The following CFDP1 variants were observed in gnomAD, a reference collection of about 807,000 sequenced individuals.
The protein encoded by CFDP1 is chromatin remodeling protein CFDP1.
CFDP1 carries 31 observed loss-of-function variants against 40.1 expected under a neutral mutation model. That is an observed-to-expected ratio of 0.77 (90% CI 0.58 to 1.04). The LOEUF is 1.04. CFDP1 is among the 50% of genes least tolerant of loss of function. The pLI is 0.00. For synonymous variants in CFDP1, 167 were observed against 120.0 expected, an observed-to-expected ratio of 1.39 and a Z score of -2.56; for missense variants, 423 against 343.4, an observed-to-expected ratio of 1.23 and a Z score of -1.83.
intron 1 of CFDP1, among the ~76,000 whole-genome samples, chr16:75,420,415 C>A (rs1208883673): frequency 6.6e-6 from 1 of 152,082 alleles, no homozygotes; most frequent in African/African-American, 2.4e-5. Context: ...ACTGAAGGAA[C>A]AAAGGAACTA....
intron 6 of CFDP1, among the ~76,000 whole-genome samples, chr16:75,304,162 G>A (rs1175324603): frequency 6.6e-6 from 1 of 152,128 alleles, no homozygotes; most frequent in Non-Finnish European, 1.5e-5. Context: ...TCCACCTAGT[G>A]GGTTCAAGTG....
At chr16:75,317,963 T>C (rs2078334867) in intron 5 of CFDP1, among the ~76,000 whole-genome samples, 2 of 151,732 alleles carry the variant, frequency 1.3e-5, no homozygotes, top group South Asian at 2.1e-4. Context: ...ACTAAAAAAA[T>C]ACAAAAAATT....
chr16:75,430,043 G>C (rs1466990093), intron 1 of CFDP1, among the ~76,000 whole-genome samples: 1 of 152,180 alleles, frequency 6.6e-6, no homozygotes, highest in Non-Finnish European at 1.5e-5. Flanking sequence ...GGACAACTCG[G>C]GGTGGGAGTG....
At chr16:75,354,558 T>C (rs577388326) in intron 5 of CFDP1, among the ~76,000 whole-genome samples, 1 of 152,352 alleles carries the variant, frequency 6.6e-6, no homozygotes, top group Admixed American at 6.5e-5. Flanking sequence ...ATGGCACTGT[T>C]AGTCTCTCAG....
intron 5 of CFDP1, among the ~76,000 whole-genome samples, chr16:75,349,650 CAAAAAAAAAAAAAAAAAAAAAAAAAAA>C (rs61472076): frequency 1.3e-4 from 3 of 23,244 alleles, no homozygotes; most frequent in Non-Finnish European, 1.7e-4. Flanking sequence ...GACTCCGTCT[CAAAAAAAAAAAAAAAAAAAAAAAAAAA>C]AAAAAAAAAA....
At chr16:75,409,226 C>T (rs1205440593) in intron 4 of CFDP1, 2 of 152,182 alleles carry the variant, frequency 1.3e-5, no homozygotes, top group Non-Finnish European at 2.9e-5. Context: ...TTCCAATGAA[C>T]AGCCTGTATA....
In CFDP1 at chr16:75,309,315, A is replaced by G. The variant is rs978853301; in HGVS notation, c.651-4133T>C. 2.6e-5 allele frequency among the ~76,000 whole-genome samples: 4 copies of G among 152,260 alleles called. No individual in the cohort carries two copies. The East Asian group carries it at 7.7e-4, about 29-fold the overall frequency. On this transcript the variant is annotated intron_variant, in intron 5 of 6. Transcript: ENST00000283882. ...AAGGTACATGAACCAGGCTTTCAGG[A>G]AGCCGAGGCGGGAGAGAATCAGTCT... is the stretch of plus-strand genomic sequence containing the variant.
At chr16:75,337,889 A>T (rs1339152347) in intron 5 of CFDP1, among the ~76,000 whole-genome samples, 1 of 152,176 alleles carries the variant, frequency 6.6e-6, no homozygotes, top group African/African-American at 2.4e-5. Context: ...AGCACTTGGG[A>T]GGAGTTTGCT....
chr16:75,294,180 C>G lies in CFDP1; in HGVS notation c.810-138G>C, dbSNP rs80292664. The stretch of plus-strand genomic sequence containing the variant: ...CCACCCATGACTCTTCCAGTACAAT[C>G]CAAACCACTCACATTTGGTCTAAAC... On this transcript the variant is annotated intron_variant, in intron 6 of 6. Transcript: ENST00000283882. 7.2e-4 allele frequency: 442 copies of G among 615,740 alleles called. 6 individuals are homozygous for G. In the East Asian group the frequency reaches 0.012, roughly 17 times the overall value. The allele number at this position is 615,740 out of a possible 1,614,324, so 38.1% of individuals were successfully genotyped here.
At chr16:75,306,851 C>G (rs1412818044) in intron 5 of CFDP1, among the ~76,000 whole-genome samples, 1 of 151,612 alleles carries the variant, frequency 6.6e-6, no homozygotes, top group Non-Finnish European at 1.5e-5. Context: ...ACAACTCAAC[C>G]CCTACAATGT....
At chr16:75,415,803 A>G (rs1011233546) in intron 1 of CFDP1, among the ~76,000 whole-genome samples, 6 of 152,274 alleles carry the variant, frequency 3.9e-5, no homozygotes, top group African/African-American at 1.4e-4. Context: ...GTTGTTTCCA[A>G]TTTGGAGTCA....
At position 75,311,770 on chromosome 16, in the gene CFDP1, A is replaced by ATT. The variant is rs548463039; in HGVS notation, c.651-6590_651-6589dup. On this transcript the variant is annotated intron_variant, in intron 5 of 6. Coordinates refer to ENST00000283882, the MANE Select transcript of CFDP1 (RefSeq NM_006324.3). ...TACAATGTAGGAATGGACCTTTACAATTTTTTTTTTTTTTTTTCAAGAAAG... is the reference window on the plus strand; with the variant it reads ...TACAATGTAGGAATGGACCTTTACAATTTTTTTTTTTTTTTTTTTCAAGAAAG... Among the ~76,000 whole-genome samples the ATT allele has an allele frequency of 2.5e-3, 361 of 141,776 alleles. 2 individuals carry two copies. The highest frequency in any genetic ancestry group is 3.3e-3 in the African/African-American group (126 of 38,254). The allele number at this position is 141,776 out of a possible 152,430, so 93.0% of individuals were successfully genotyped here. A position where few individuals can be genotyped will look rare whatever the true frequency, so the allele number is the denominator to read the frequency against.
At chr16:75,424,755 C>CA (rs34126287) in intron 1 of CFDP1, among the ~76,000 whole-genome samples, 27,856 of 129,116 alleles carry the variant, frequency 0.22, 3,147 homozygotes, top group African/African-American at 0.33. Flanking sequence ...GACTCCGTCT[C>CA]AAAAAAAAAA....
At chr16:75,314,380 T>A (rs2078312342) in intron 5 of CFDP1, among the ~76,000 whole-genome samples, 2 of 152,104 alleles carry the variant, frequency 1.3e-5, no homozygotes, top group Admixed American at 1.3e-4. Context: ...AAGGACCATA[T>A]ATTGTATGAT....
intron 5 of CFDP1, among the ~76,000 whole-genome samples, chr16:75,320,804 G>A (rs1308108387): frequency 1.3e-5 from 2 of 151,576 alleles, no homozygotes; most frequent in African/African-American, 2.4e-5. Context: ...GAAATGAGGG[G>A]GACTCATGCA....
intron 5 of CFDP1, among the ~76,000 whole-genome samples, chr16:75,345,520 T>C (rs1403122023): frequency 2.0e-5 from 3 of 152,066 alleles, no homozygotes; most frequent in Admixed American, 2.0e-4. Flanking sequence ...GCATCTGTAG[T>C]CCCAGCTACT....
At chr16:75,404,074 G>T (rs776202547) in intron 4 of CFDP1, among the ~76,000 whole-genome samples, 28 of 151,686 alleles carry the variant, frequency 1.8e-4, no homozygotes, top group Non-Finnish European at 3.7e-4. Flanking sequence ...GGAGGTTGCA[G>T]TGAGCTGAGA....
At chr16:75,412,141 C>A (rs983470124) in intron 3 of CFDP1, among the ~76,000 whole-genome samples, 189 bp from the exon 4 acceptor site, 7 of 152,176 alleles carry the variant, frequency 4.6e-5, no homozygotes, top group Non-Finnish European at 4.4e-5. Flanking sequence ...GCTTCAGCGT[C>A]CAAAGTAGCT....
chr16:75,426,412 C>T (rs1426528026), intron 1 of CFDP1, among the ~76,000 whole-genome samples: 2 of 152,072 alleles, frequency 1.3e-5, no homozygotes, highest in Non-Finnish European at 2.9e-5. Context: ...AATACACTAT[C>T]TTTGTAATCC....
Sources: gnomAD v4.1 joint callset for allele counts (sites outside exome capture counted in the v4.1 genomes callset) on GRCh38, gnomAD v4.1.1 for gene constraint, MANE v1.5 for transcripts, NCBI Gene and HGNC (gene_info 2026-07-23, HGNC 2026-07-21) for gene names.